The following TMPRSS11F variants were observed in gnomAD, a reference collection of about 807,000 sequenced individuals.
TMPRSS11F encodes the protein transmembrane protease serine 11F.
TMPRSS11F carries 47 observed loss-of-function variants against 60.2 expected under a neutral mutation model. That is an observed-to-expected ratio of 0.78 (90% confidence interval 0.62 to 1.00). TMPRSS11F has a LOEUF of 1.00. Among genes scored for constraint, TMPRSS11F ranks in the 50% least tolerant of loss-of-function variants. The probability of loss-of-function intolerance (pLI) is 0.00; values close to 1 mark genes in which losing one functional copy is unlikely to be tolerated. For missense variants in TMPRSS11F, 519 were observed against 522.9 expected (o/e 0.99, Z 0.07); for synonymous variants, 166 against 167.3 (o/e 0.99, Z 0.06).
intron 2 of TMPRSS11F, among the ~76,000 whole-genome samples, chr4:68,097,585 A>G (rs1724098374): frequency 8.0e-6 from 1 of 125,366 alleles, no homozygotes; most frequent in Non-Finnish European, 2.0e-5. Flanking sequence ...ACATTCACAG[A>G]TTCTAACAAT....
At chr4:68,102,057 A>T (rs962581620) in intron 1 of TMPRSS11F, among the ~76,000 whole-genome samples, 33 of 152,144 alleles carry the variant, frequency 2.2e-4, no homozygotes, top group African/African-American at 7.7e-4. Flanking sequence ...AATATTACAC[A>T]TCTAAGAGAT....
intron 8 of TMPRSS11F, among the ~76,000 whole-genome samples, chr4:68,061,340 C>A (rs1359795997): frequency 2.0e-5 from 3 of 152,172 alleles, no homozygotes; most frequent in Non-Finnish European, 4.4e-5. Flanking sequence ...ATTCAACTTA[C>A]ATGAAAGGCA....
chr4:68,091,631 T>C (rs1723932500), intron 2 of TMPRSS11F, among the ~76,000 whole-genome samples: 1 of 152,094 alleles, frequency 6.6e-6, no homozygotes, highest in Admixed American at 6.6e-5. Context: ...TTTTCTATCT[T>C]TGTGAACAGC....
intron 1 of TMPRSS11F, among the ~76,000 whole-genome samples, chr4:68,119,834 C>T (rs1724588929): frequency 6.6e-6 from 1 of 152,128 alleles, no homozygotes; most frequent in Admixed American, 6.6e-5. Flanking sequence ...CTTTCAAGTA[C>T]TGTTATTTAA....
At chr4:68,091,147 A>G (rs1401127503) in intron 2 of TMPRSS11F, among the ~76,000 whole-genome samples, 2 of 152,112 alleles carry the variant, frequency 1.3e-5, no homozygotes, top group Admixed American at 1.3e-4. Context: ...TGTTCCTAAC[A>G]CACCACTAAA....
chr4:68,105,049 GTTTTTT>G (rs34041075), intron 1 of TMPRSS11F, among the ~76,000 whole-genome samples: 4 of 55,156 alleles, frequency 7.3e-5, no homozygotes, highest in Admixed American at 2.9e-4. Flanking sequence ...TTCCCTCTAG[GTTTTTT>G]TTTTTTTTTT....
chr4:68,124,994 TTGATGCTTAGTTTTG>T (rs1358844744), intron 1 of TMPRSS11F, among the ~76,000 whole-genome samples: 18 of 138,134 alleles, frequency 1.3e-4, no homozygotes, highest in African/African-American at 3.9e-4. Flanking sequence ...TTTTCAATCC[TTGATGCTTAGTTTTG>T]AGAATCATGC....
rs1395911930 is a variant in TMPRSS11F at position 68,064,134 on chromosome 4, T to C, written c.1015+551A>G. ...CTCTCTCCCTGACTTTTTTTTTTTT[T>C]CCACCGCTCTAGTTGAGCAGTTGAG... On this transcript the variant is annotated intron_variant, in intron 8 of 9. Coordinates refer to ENST00000356291, the MANE Select transcript of TMPRSS11F (RefSeq NM_207407.2). Among the ~76,000 whole-genome samples the C allele has an allele frequency of 2.6e-5, 4 of 151,360 alleles. No individual in the cohort carries two copies. In the South Asian group the frequency reaches 6.2e-4, roughly 24 times the overall value.
chr4:68,124,108 C>T (rs573545127), intron 1 of TMPRSS11F, among the ~76,000 whole-genome samples: 4 of 151,930 alleles, frequency 2.6e-5, no homozygotes, highest in African/African-American at 9.7e-5. Flanking sequence ...GTAATCCCAG[C>T]TACTCGGGAG....
At chr4:68,058,228 T>A (rs1723086490) in intron 9 of TMPRSS11F, among the ~76,000 whole-genome samples, 2 of 152,212 alleles carry the variant, frequency 1.3e-5, no homozygotes, top group African/African-American at 2.4e-5. Context: ...AAATTTTAGA[T>A]GTCTATCACA....
intron 2 of TMPRSS11F, among the ~76,000 whole-genome samples, chr4:68,098,331 CA>C (rs1299406044): frequency 6.6e-6 from 1 of 151,938 alleles, no homozygotes; most frequent in East Asian, 1.9e-4. Context: ...ATACAGAAAC[CA>C]AAGACGAAGG....
At position 68,082,147 on chromosome 4, in the gene TMPRSS11F, GT is replaced by G. The variant is rs375397560; in HGVS notation, c.283-8139del. On this transcript the variant is annotated intron_variant, in intron 3 of 9. Coordinates refer to ENST00000356291, the MANE Select transcript of TMPRSS11F (RefSeq NM_207407.2). ...GCAACCCTATGTGGTCTTGCTGGAT[GT>G]TAGGACTAGCTCCCGGCCCTGAATA... Among the ~76,000 whole-genome samples the G allele has an allele frequency of 2.3e-3, 345 of 152,292 alleles. 4 individuals are homozygous for G. Among genetic ancestry groups the G allele is most frequent in the Middle Eastern group, 6.8e-3 (2 of 294 alleles).
chr4:68,075,209 A>G (rs1424259374), intron 3 of TMPRSS11F, among the ~76,000 whole-genome samples: 2 of 152,038 alleles, frequency 1.3e-5, no homozygotes, highest in African/African-American at 4.8e-5. Flanking sequence ...TAAATGTTAA[A>G]TCCACTTTCC....
intron 3 of TMPRSS11F, among the ~76,000 whole-genome samples, chr4:68,085,550 C>T (rs941869093): frequency 2.0e-5 from 3 of 152,122 alleles, no homozygotes; most frequent in Non-Finnish European, 4.4e-5. Flanking sequence ...GCTAACATGA[C>T]AGGAACAAAA....
At chr4:68,085,727 G>A (rs1030008115) in intron 3 of TMPRSS11F, among the ~76,000 whole-genome samples, 5 of 152,114 alleles carry the variant, frequency 3.3e-5, no homozygotes, top group African/African-American at 1.2e-4. Flanking sequence ...GTTGGAGAAA[G>A]ATCCGTCATG....
At position 68,068,480 on chromosome 4, in the gene TMPRSS11F, A is replaced by C. The variant is rs1370192300; in HGVS notation, c.755+138T>G. Reference sequence around the variant, plus strand: ...CATAGATAGGGCATAGGGGAAGCATAATCCATTTAGGGGACAGCTAGGTCT... The same window carrying C: ...CATAGATAGGGCATAGGGGAAGCATCATCCATTTAGGGGACAGCTAGGTCT... On this transcript the variant is annotated intron_variant, in intron 7 of 9. Coordinates refer to ENST00000356291, the MANE Select transcript of TMPRSS11F (RefSeq NM_207407.2). 1.2e-5 allele frequency: 8 copies of C among 659,834 alleles called. No individual in the cohort carries two copies. The East Asian group carries it at 1.9e-4, about 16-fold the overall frequency. The allele number at this position is 659,834 out of a possible 1,614,324, so 40.9% of individuals were successfully genotyped here. A position where few individuals can be genotyped will look rare whatever the true frequency, so the allele number is the denominator to read the frequency against.
chr4:68,099,666 C>G (rs1724149010), intron 1 of TMPRSS11F, among the ~76,000 whole-genome samples: 1 of 152,124 alleles, frequency 6.6e-6, no homozygotes, highest in African/African-American at 2.4e-5. Flanking sequence ...ATTGTGATAT[C>G]TTTCAAGTGA....
At chr4:68,098,810 CT>C in intron 2 of TMPRSS11F, 76 bp downstream of exon 2, 1 of 1,367,950 alleles carries the variant, frequency 7.3e-7, no homozygotes, top group Non-Finnish European at 1.0e-6. Context: ...GCAAATGTCA[CT>C]TTTTATACAA....
chr4:68,100,993 T>C (rs1317336626), intron 1 of TMPRSS11F, among the ~76,000 whole-genome samples: 1 of 152,116 alleles, frequency 6.6e-6, no homozygotes, highest in African/African-American at 2.4e-5. Context: ...CCATTCCTTT[T>C]CCCCCTTAGT....
Sources: allele counts gnomAD v4.1 joint callset (sites outside exome capture counted in the v4.1 genomes callset), GRCh38; gene constraint gnomAD v4.1.1; transcripts MANE v1.5; gene names NCBI Gene and HGNC (gene_info 2026-07-23, HGNC 2026-07-21).